The following TBCB variants were observed in gnomAD, a reference collection of about 807,000 sequenced individuals.
TBCB encodes tubulin folding cofactor B.
A neutral mutation model predicts 29.2 loss-of-function variants in TBCB; 18 were observed. The ratio of observed to expected loss-of-function variants is 0.62; its 90% confidence interval spans 0.43 to 0.91. The LOEUF is 0.91. Among genes scored for constraint, TBCB ranks in the 40% least tolerant of loss-of-function variants. The probability of loss-of-function intolerance (pLI) is 0.00; values close to 1 mark genes in which losing one functional copy is unlikely to be tolerated. For missense variants in TBCB, 336 were observed against 337.6 expected, an observed-to-expected ratio of 1.00 and a Z score of 0.04; for synonymous variants, 172 against 137.8, an observed-to-expected ratio of 1.25 and a Z score of -1.74.
chr19:36,115,043 G>T (rs1021225207), upstream of TBCB: 36 of 619,282 alleles, frequency 5.8e-5, no homozygotes, highest in East Asian at 9.3e-4. Context: ...TCAATCTTTT[G>T]ATATCTTAGA....
At chr19:36,115,397 G>A (rs1973928548), upstream of TBCB, 2 of 606,566 alleles carry the variant, frequency 3.3e-6, no homozygotes, top group South Asian at 2.0e-5. Flanking sequence ...CGGTGGGGAA[G>A]GGACGGCGGC....
At chr19:36,121,007 GGGGTAT>G (rs1974039064) in intron 3 of TBCB, among the ~76,000 whole-genome samples, 1 of 151,122 alleles carries the variant, frequency 6.6e-6, no homozygotes, top group African/African-American at 2.4e-5. Flanking sequence ...GGAGGTGTCA[GGGGTAT>G]GGGCAGTCAG....
At chr19:36,118,968 T>C (rs1342717467) in intron 2 of TBCB, among the ~76,000 whole-genome samples, 2 of 152,114 alleles carry the variant, frequency 1.3e-5, no homozygotes, top group African/African-American at 4.8e-5. Flanking sequence ...TCTGGAGCTG[T>C]GGGTCAGGCC....
At chr19:36,117,215 G>C (rs1280050745) in intron 2 of TBCB, among the ~76,000 whole-genome samples, 1 of 152,140 alleles carries the variant, frequency 6.6e-6, no homozygotes, top group Non-Finnish European at 1.5e-5. Flanking sequence ...CTCTCATCTG[G>C]TTTATTTACT....
At position 36,125,665 on chromosome 19, in the gene TBCB, C is replaced by T; in HGVS notation, c.621-3C>T. On this transcript the variant is annotated splice_polypyrimidine_tract_variant and splice_region_variant and intron_variant, in intron 5 of 5. Transcript: ENST00000221855. ...CCACACCCACCCCTATCCTTTCCTG[C>T]AGTGTGAATGGGAAACGCTACTTCG... 6.3e-7 allele frequency: 1 copy of T among 1,585,346 alleles called. No individual in the cohort carries two copies. The highest frequency in any genetic ancestry group is 8.6e-7 in the Non-Finnish European group (1 of 1,163,540).
chr19:36,117,374 T>G (rs1442469199), intron 2 of TBCB, among the ~76,000 whole-genome samples: 1 of 152,196 alleles, frequency 6.6e-6, no homozygotes. Context: ...GACAGAGTTT[T>G]GCCCTTGTTC....
At chr19:36,120,949 A>G (rs1191087192) in intron 3 of TBCB, 143 bp downstream of exon 3, 2 of 591,656 alleles carry the variant, frequency 3.4e-6, no homozygotes. Context: ...TATAGGGGTG[A>G]GGCTGGGAGT....
At chr19:36,119,393 C>G (rs1207635881) in intron 2 of TBCB, among the ~76,000 whole-genome samples, 2 of 152,144 alleles carry the variant, frequency 1.3e-5, no homozygotes, top group Non-Finnish European at 2.9e-5. Context: ...CCACTCTCAT[C>G]AAATCCTCTC....
At position 36,122,571 on chromosome 19, in the gene TBCB, C is replaced by CAAA. The variant is rs759711385; in HGVS notation, c.547+870_547+872dup. 6.7e-3 allele frequency among the ~76,000 whole-genome samples: 617 copies of CAAA among 91,508 alleles called. 11 individuals are homozygous for CAAA. Among genetic ancestry groups the CAAA allele is most frequent in the African/African-American group, 0.015 (378 of 24,882 alleles). The allele number at this position is 91,508 out of a possible 152,430, so 60.0% of individuals were successfully genotyped here. A position where few individuals can be genotyped will look rare whatever the true frequency, so the allele number is the denominator to read the frequency against. ...GCAACATAATGAGACCCTGTCTCTA[C>CAAA]AAAAAAAAAAAAAAAAAAATCCCAC... On this transcript the variant is annotated intron_variant, in intron 4 of 5. Transcript: ENST00000221855.
chr19:36,115,815 C>A, intron 1 of TBCB, 141 bp downstream of exon 1: 1 of 1,077,558 alleles, frequency 9.3e-7, no homozygotes, highest in Non-Finnish European at 1.3e-6. Context: ...GACCCGGTCG[C>A]GGCGGGGCGG....
upstream of TBCB, chr19:36,115,261 CCG>C: frequency 1.9e-6 from 1 of 532,582 alleles, no homozygotes; most frequent in Non-Finnish European, 3.3e-6. Flanking sequence ...ACTCCTACCT[CCG>C]GGCTTCAGTC....
Position 36,121,606 on chromosome 19 carries a change from C to A in TBCB, c.435C>A (p.Ala145=), listed in dbSNP as rs958311511. ...EEERAQQEAE[A]AQRLAEEKAQ... is the part of the protein sequence containing the mutation. Reference sequence around the variant, plus strand: ...AGCGGGCTCAGCAGGAGGCCGAGGCCGCCCAGCGCCTGGCCGAGGAGAAGG... The same window carrying A: ...AGCGGGCTCAGCAGGAGGCCGAGGCAGCCCAGCGCCTGGCCGAGGAGAAGG... The change falls in exon 4 of 6, where the codon GCC becomes GCA. Residue 145 remains alanine, a synonymous_variant. Coordinates refer to ENST00000221855, the MANE Select transcript of TBCB (RefSeq NM_001281.3). 7.7e-6 allele frequency: 12 copies of A among 1,554,400 alleles called. No individual in the cohort carries two copies. Among genetic ancestry groups the A allele is most frequent in the African/African-American group, 1.4e-5 (1 of 73,494 alleles).
chr19:36,119,278 TC>T (rs1974005065), intron 2 of TBCB, among the ~76,000 whole-genome samples: 1 of 152,228 alleles, frequency 6.6e-6, no homozygotes, highest in African/African-American at 2.4e-5. Context: ...CAGTGACGCT[TC>T]ATCCGGAGGT....
Position 36,115,689 on chromosome 19 carries a change from G to T in TBCB, c.114+15G>T, listed in dbSNP as rs1345382769. On this transcript the variant is annotated intron_variant, in intron 1 of 5. Coordinates refer to ENST00000221855, the MANE Select transcript of TBCB (RefSeq NM_001281.3). Reference sequence around the variant, plus strand: ...CTGAGTTCAAGGTGTGGCCATGGGGGCGGGGTCCGGAGGGGCGGGGCGAAG... The same window carrying T: ...CTGAGTTCAAGGTGTGGCCATGGGGTCGGGGTCCGGAGGGGCGGGGCGAAG... 6.4e-7 allele frequency: 1 copy of T among 1,573,970 alleles called. No individual in the cohort carries two copies. Among genetic ancestry groups the T allele is most frequent in the Non-Finnish European group, 8.6e-7 (1 of 1,158,490 alleles).
intron 1 of TBCB, 82 bp downstream of exon 1, chr19:36,115,756 G>T: frequency 7.7e-7 from 1 of 1,299,632 alleles, no homozygotes; most frequent in Non-Finnish European, 1.1e-6. Context: ...GGAGGGGCCG[G>T]GGAGTGACTG....
In TBCB at chr19:36,118,680, T is replaced by TA. The variant is rs74892215; in HGVS notation, c.259-2010dup. ...GGATGATAGAGTGAGATCCTATCTT[T>TA]AAAAAAAAAAAAAAAAAAAAGGTTA... On this transcript the variant is annotated intron_variant, in intron 2 of 5. Coordinates refer to ENST00000221855, the MANE Select transcript of TBCB (RefSeq NM_001281.3). 562 of 123,244 alleles carry TA rather than the reference T, an allele frequency of 4.6e-3. 1 individual carries two copies. Among genetic ancestry groups the TA allele is most frequent in the East Asian group, 0.014 (63 of 4,392 alleles). 7.6% of individuals were successfully genotyped at this position (123,244 alleles called of 1,614,324 possible).
At chr19:36,121,306 G>A (rs1368532140) in intron 3 of TBCB, among the ~76,000 whole-genome samples, 1 of 152,000 alleles carries the variant, frequency 6.6e-6, no homozygotes, top group Admixed American at 6.5e-5. Context: ...CCTGTAGTGA[G>A]GGGTGCAGGC....
intron 2 of TBCB, chr19:36,120,429 C>T (rs1974025546): frequency 4.4e-6 from 2 of 459,528 alleles, no homozygotes; most frequent in Non-Finnish European, 8.0e-6. Flanking sequence ...CGGTTGGACT[C>T]TGTGACTTTG....
intron 4 of TBCB, 52 bp downstream of exon 4, chr19:36,121,770 G>GAAAT (rs1354654093): frequency 3.9e-6 from 6 of 1,546,086 alleles, no homozygotes; most frequent in African/African-American, 1.4e-5. Flanking sequence ...AGGCCGGGAG[G>GAAAT]AAATGTTGGG....
Sources: gnomAD v4.1 joint callset for allele counts (sites outside exome capture counted in the v4.1 genomes callset) on GRCh38, gnomAD v4.1.1 for gene constraint, MANE v1.5 for transcripts, NCBI Gene and HGNC (gene_info 2026-07-23, HGNC 2026-07-21) for gene names.